DPP10: variants seen among roughly 807,000 people sequenced by gnomAD.
DPP10 encodes the protein inactive dipeptidyl peptidase 10.
DPP10 carries 33 observed loss-of-function variants against 120.9 expected under a neutral mutation model. The observed-to-expected ratio is 0.27, with a 90% CI of 0.21 to 0.37. The LOEUF (loss-of-function observed/expected upper bound fraction) is 0.37. Among genes scored for constraint, DPP10 ranks in the 10% least tolerant of loss-of-function variants. The pLI, the probability that DPP10 is intolerant of heterozygous loss-of-function variation, is 1.00. For synonymous variants in DPP10, 337 were observed against 326.1 expected, an observed-to-expected ratio of 1.03 and a Z score of -0.36; for missense variants, 816 against 942.8, an observed-to-expected ratio of 0.87 and a Z score of 1.76.
chr2:114,669,051 A>G (rs886160275), intron 1 of DPP10, among the ~76,000 whole-genome samples: 4 of 152,182 alleles, frequency 2.6e-5, no homozygotes, highest in African/African-American at 9.6e-5. Flanking sequence ...AGTATTACTT[A>G]AAGCATAGTG....
chr2:114,656,654 G>C (rs1363739666), intron 1 of DPP10, among the ~76,000 whole-genome samples: 2 of 152,110 alleles, frequency 1.3e-5, no homozygotes, highest in African/African-American at 2.4e-5. Context: ...GTAGCAAATA[G>C]GACAAAACTT....
chr2:114,477,865 A>G (rs112531564), intron 1 of DPP10, among the ~76,000 whole-genome samples: 31 of 149,214 alleles, frequency 2.1e-4, no homozygotes, highest in African/African-American at 7.4e-4. Context: ...ATATATGTAT[A>G]TATGTACATA....
chr2:114,893,802 G>A (rs1321719242), intron 1 of DPP10, among the ~76,000 whole-genome samples: 2 of 152,136 alleles, frequency 1.3e-5, no homozygotes, highest in Admixed American at 6.6e-5. Flanking sequence ...CATGAGTAAC[G>A]TAGAGTTAAC....
chr2:115,469,898 AAG>A (rs1491218101), intron 3 of DPP10, among the ~76,000 whole-genome samples: 7,629 of 142,010 alleles, frequency 0.054, 621 homozygotes, highest in African/African-American at 0.066. Flanking sequence ...AAAAAAAAAA[AAG>A]AAAAAAAAAA....
intron 1 of DPP10, among the ~76,000 whole-genome samples, chr2:114,942,370 TAC>T (rs1263621354): frequency 1.3e-4 from 11 of 85,468 alleles, no homozygotes; most frequent in East Asian, 5.2e-4. Flanking sequence ...TACATATATA[TAC>T]ACACACATAT....
At chr2:115,287,937 G>C (rs534925394) in intron 1 of DPP10, among the ~76,000 whole-genome samples, 1 of 152,176 alleles carries the variant, frequency 6.6e-6, no homozygotes, top group East Asian at 1.9e-4. Flanking sequence ...CACTTGGATT[G>C]GTTCTATATC....
At chr2:114,505,857 T>G (rs1683607852) in intron 1 of DPP10, among the ~76,000 whole-genome samples, 1 of 152,252 alleles carries the variant, frequency 6.6e-6, no homozygotes, top group Non-Finnish European at 1.5e-5. Flanking sequence ...GTACAGTTTA[T>G]CATTTCATTG....
At chr2:115,078,268 A>G (rs1707959963) in intron 1 of DPP10, among the ~76,000 whole-genome samples, 1 of 152,236 alleles carries the variant, frequency 6.6e-6, no homozygotes, top group Admixed American at 6.5e-5. Context: ...ACACTAGTCA[A>G]TATTAAATTA....
rs192667743 is a variant in DPP10 at position 115,259,181 on chromosome 2, G to A, written c.61-50058G>A. On this transcript the variant is annotated intron_variant, in intron 1 of 25. Transcript: ENST00000410059. ...CTACATTCCTGGTGCCCAAAGGGAGGAAGGAATAGCAAAAGGCCGGGTGGG... is the reference window on the plus strand; with the variant it reads ...CTACATTCCTGGTGCCCAAAGGGAGAAAGGAATAGCAAAAGGCCGGGTGGG... 5.3e-5 allele frequency among the ~76,000 whole-genome samples: 8 copies of A among 152,170 alleles called. No individual in the cohort carries two copies. The East Asian group carries it at 1.4e-3, about 26-fold the overall frequency.
intron 1 of DPP10, among the ~76,000 whole-genome samples, chr2:114,549,856 T>A (rs1687743339): frequency 6.6e-6 from 1 of 151,878 alleles, no homozygotes; most frequent in Admixed American, 6.6e-5. Context: ...AGAGATCCTA[T>A]CCTGGAAAGC....
At chr2:115,134,035 A>G (rs974055252) in intron 1 of DPP10, among the ~76,000 whole-genome samples, 4 of 152,226 alleles carry the variant, frequency 2.6e-5, no homozygotes, top group Admixed American at 6.5e-5. Context: ...CTGAAAACAC[A>G]TCTAATAAAA....
intron 1 of DPP10, among the ~76,000 whole-genome samples, chr2:114,942,370 T>C (rs7424273): frequency 9.4e-5 from 8 of 85,486 alleles, no homozygotes; most frequent in Non-Finnish European, 1.7e-4. Flanking sequence ...TACATATATA[T>C]ACACACACAT....
intron 8 of DPP10, among the ~76,000 whole-genome samples, chr2:115,734,895 C>G (rs2092998775): frequency 6.6e-6 from 1 of 151,630 alleles, no homozygotes; most frequent in Non-Finnish European, 1.5e-5. Context: ...ATGAAGGGGC[C>G]CCTTATCATG....
chr2:115,222,466 T>G (rs1381548272), intron 1 of DPP10, among the ~76,000 whole-genome samples: 1 of 152,244 alleles, frequency 6.6e-6, no homozygotes, highest in Non-Finnish European at 1.5e-5. Context: ...GATCCATTGG[T>G]TTTAAAAAGA....
intron 1 of DPP10, among the ~76,000 whole-genome samples, chr2:115,215,342 C>T (rs1225471972): frequency 6.6e-6 from 1 of 151,984 alleles, no homozygotes; most frequent in African/African-American, 2.4e-5. Flanking sequence ...ATATGATTAA[C>T]ATATTAAGTT....
intron 1 of DPP10, among the ~76,000 whole-genome samples, chr2:114,576,881 T>TG (rs1220775009): frequency 6.8e-6 from 1 of 147,836 alleles, no homozygotes; most frequent in East Asian, 1.9e-4. Context: ...GTGTTTTTTT[T>TG]TTGTTTGTTT....
chr2:115,267,169 T>A (rs2059497040), intron 1 of DPP10, among the ~76,000 whole-genome samples: 3 of 152,188 alleles, frequency 2.0e-5, no homozygotes, highest in Admixed American at 1.3e-4. Flanking sequence ...TTCTTGTGTC[T>A]TCTAGATTAT....
At chr2:114,944,047 G>A (rs1697172415) in intron 1 of DPP10, among the ~76,000 whole-genome samples, 1 of 152,040 alleles carries the variant, frequency 6.6e-6, no homozygotes, top group South Asian at 2.1e-4. Flanking sequence ...ATAATTCTAT[G>A]TTAAATATCT....
chr2:114,954,711 G>T (rs1162721178), intron 1 of DPP10, among the ~76,000 whole-genome samples: 2 of 151,930 alleles, frequency 1.3e-5, no homozygotes, highest in African/African-American at 4.8e-5. Context: ...TATACCTTTA[G>T]CCAGACTAAG....
Sources: allele counts gnomAD v4.1 joint callset (sites outside exome capture counted in the v4.1 genomes callset), GRCh38; gene constraint gnomAD v4.1.1; transcripts MANE v1.5; gene names NCBI Gene and HGNC (gene_info 2026-07-23, HGNC 2026-07-21).